LRP1B: variants seen among roughly 807,000 people sequenced by gnomAD.
LRP1B encodes the protein LDL receptor related protein 1B.
In LRP1B, 217 loss-of-function variants were observed where a neutral mutation model predicts 556.6. That is an observed-to-expected ratio of 0.39 (90% confidence interval 0.35 to 0.44). The LOEUF (loss-of-function observed/expected upper bound fraction) is 0.44. LRP1B is among the 20% of genes least tolerant of loss of function. LRP1B has a pLI of 1.00. For synonymous variants in LRP1B, 2,047 were observed against 1,865.8 expected, an observed-to-expected ratio of 1.10 and a Z score of -2.50; for missense variants, 5,053 against 5,620.8, an observed-to-expected ratio of 0.90 and a Z score of 3.23.
chr2:142,115,136 T>C lies in LRP1B; in HGVS notation c.82+15512A>G, dbSNP rs955767447. ...TTGTTCTTGCAATTGGTTATCACCT[T>C]TAAGATAACCTTATGATACTTAAGA... On this transcript the variant is annotated intron_variant, in intron 1 of 90. Transcript: ENST00000389484. Among the ~76,000 whole-genome samples, 6 of 152,016 alleles carry C rather than the reference T, an allele frequency of 3.9e-5. No individual in the cohort carries two copies. In the South Asian group the frequency reaches 6.2e-4, roughly 16 times the overall value.
chr2:140,589,963 G>A (rs1558988472), intron 43 of LRP1B, among the ~76,000 whole-genome samples: 1 of 152,084 alleles, frequency 6.6e-6, no homozygotes, highest in Non-Finnish European at 1.5e-5. Context: ...CTGGTTGTGA[G>A]ATTGTACTAT....
intron 35 of LRP1B, among the ~76,000 whole-genome samples, chr2:140,761,286 A>C (rs1007373791): frequency 3.9e-5 from 6 of 152,196 alleles, no homozygotes; most frequent in Non-Finnish European, 7.3e-5. Flanking sequence ...CTGCCATCCG[A>C]GTTCACCCTT....
At chr2:140,391,878 T>G (rs1447648127) in intron 66 of LRP1B, among the ~76,000 whole-genome samples, 1 of 152,190 alleles carries the variant, frequency 6.6e-6, no homozygotes, top group Admixed American at 6.5e-5. Context: ...TTCTATTATT[T>G]ATGCTCATCA....
chr2:141,390,683 G>T (rs1022611340), intron 3 of LRP1B, among the ~76,000 whole-genome samples: 1 of 152,112 alleles, frequency 6.6e-6, no homozygotes, highest in Admixed American at 6.6e-5. Flanking sequence ...CAGACACAAA[G>T]GTCACATATT....
chr2:141,737,772 T>C (rs776577944), intron 2 of LRP1B, among the ~76,000 whole-genome samples: 1 of 152,172 alleles, frequency 6.6e-6, no homozygotes, highest in Non-Finnish European at 1.5e-5. Context: ...GCTCCAGTTA[T>C]TGATATTGGT....
At chr2:140,573,237 C>G (rs6723267) in intron 43 of LRP1B, among the ~76,000 whole-genome samples, 65,717 of 151,542 alleles carry the variant, frequency 0.43, 14,520 homozygotes, top group Middle Eastern at 0.58. Context: ...AAAAATCACA[C>G]TGTATACCAT....
chr2:141,560,230 G>A (rs900108719), intron 2 of LRP1B, among the ~76,000 whole-genome samples: 1 of 151,766 alleles, frequency 6.6e-6, no homozygotes, highest in Non-Finnish European at 1.5e-5. Flanking sequence ...CAGCATTATA[G>A]TGCACTTATG....
At chr2:141,025,077 A>C (rs1016142121) in intron 11 of LRP1B, among the ~76,000 whole-genome samples, 3 of 152,110 alleles carry the variant, frequency 2.0e-5, no homozygotes, top group African/African-American at 7.2e-5. Flanking sequence ...TCTCACAATA[A>C]AAGGTCCTGA....
intron 1 of LRP1B, among the ~76,000 whole-genome samples, chr2:141,888,511 T>A (rs1020510264): frequency 6.6e-6 from 1 of 152,196 alleles, no homozygotes; most frequent in Non-Finnish European, 1.5e-5. Flanking sequence ...ACTGTACTTC[T>A]GTTTCTGAGA....
chr2:140,664,824 TAAAC>T (rs1685212306), intron 41 of LRP1B, among the ~76,000 whole-genome samples: 1 of 152,076 alleles, frequency 6.6e-6, no homozygotes, highest in Admixed American at 6.5e-5. Context: ...GTAGTGGCTT[TAAAC>T]AAACAGAAAA....
At chr2:141,412,338 G>A (rs968817931) in intron 3 of LRP1B, among the ~76,000 whole-genome samples, 1 of 152,160 alleles carries the variant, frequency 6.6e-6, no homozygotes, top group Non-Finnish European at 1.5e-5. Flanking sequence ...TCATACAAAT[G>A]AGCTCTTTTC....
intron 1 of LRP1B, among the ~76,000 whole-genome samples, chr2:141,999,092 T>C (rs1037420717): frequency 5.3e-5 from 8 of 152,146 alleles, no homozygotes; most frequent in Non-Finnish European, 1.2e-4. Context: ...ATCTGTCATG[T>C]GATGTTAGCC....
chr2:142,039,949 A>G (rs1306125123), intron 1 of LRP1B, among the ~76,000 whole-genome samples: 2 of 151,450 alleles, frequency 1.3e-5, no homozygotes, highest in African/African-American at 2.4e-5. Flanking sequence ...ACACTGTTCA[A>G]TAAGTCATAA....
chr2:140,850,119 T>C lies in LRP1B; in HGVS notation c.4922A>G (p.Glu1641Gly), dbSNP rs764696199. ...KRAFINGTGL[E>G]TVISRDIQSI... Reference sequence around the variant, plus strand: ...TCTTTTACCTCTTGAAATAACAGTTTCTAACCCAGTTCCGTTAATAAAAGC... The same window carrying C: ...TCTTTTACCTCTTGAAATAACAGTTCCTAACCCAGTTCCGTTAATAAAAGC... The change falls in exon 29 of 91, where the codon GAA (glutamate) becomes GGA (glycine). Residue 1641 changes from glutamate to glycine, a missense_variant. Physicochemically the swap from Glu to Gly is moderately conservative, Grantham distance 98 (BLOSUM62 -2). This residue lies in a region of LRP1B where 3,619 missense variants were observed against 3,931.9 expected (regional missense o/e 0.92). Coordinates refer to ENST00000389484, the MANE Select transcript of LRP1B (RefSeq NM_018557.3). The C allele has an allele frequency of 5.6e-6, 9 of 1,608,348 alleles. No individual in the cohort carries two copies. Among genetic ancestry groups the C allele is most frequent in the Non-Finnish European group, 7.7e-6 (9 of 1,175,262 alleles).
rs150807780 is a variant in LRP1B, at chr2:141,033,709, C to T, written c.1790-13607G>A. On this transcript the variant is annotated intron_variant, in intron 11 of 90. Coordinates refer to ENST00000389484, the MANE Select transcript of LRP1B (RefSeq NM_018557.3). ...GAGGCCAGAGCTCTTTCTTTCCACC[C>T]CATGGGAACACTGTGAGAAGGAGGC... Among the ~76,000 whole-genome samples the T allele has an allele frequency of 2.0e-3, 301 of 152,098 alleles. 2 individuals are homozygous for T. The highest frequency in any genetic ancestry group is 7.0e-3 in the African/African-American group (290 of 41,532).
intron 54 of LRP1B, among the ~76,000 whole-genome samples, 187 bp downstream of exon 54, chr2:140,502,775 AC>A (rs1186531953): frequency 1.3e-5 from 2 of 152,042 alleles, no homozygotes; most frequent in Non-Finnish European, 2.9e-5. Flanking sequence ...TATTTTTGGC[AC>A]AGACTTAAAT....
intron 3 of LRP1B, among the ~76,000 whole-genome samples, chr2:141,387,022 G>A (rs1689856462): frequency 6.6e-6 from 1 of 151,670 alleles, no homozygotes; most frequent in South Asian, 2.1e-4. Flanking sequence ...AACCACAATG[G>A]AATAAAGTTA....
At chr2:140,763,686 T>C (rs2104921148) in intron 35 of LRP1B, among the ~76,000 whole-genome samples, 1 of 152,210 alleles carries the variant, frequency 6.6e-6, no homozygotes, top group African/African-American at 2.4e-5. Context: ...AATTTAGAAA[T>C]TACCCAAAAA....
At chr2:140,859,504 C>T (rs1478904943) in intron 27 of LRP1B, among the ~76,000 whole-genome samples, 1 of 151,982 alleles carries the variant, frequency 6.6e-6, no homozygotes, top group Non-Finnish European at 1.5e-5. Context: ...ATTGGAGGCA[C>T]TTAAATCATT....
Sources: gnomAD v4.1 joint callset for allele counts (sites outside exome capture counted in the v4.1 genomes callset) on GRCh38, gnomAD v4.1.1 for gene constraint, gnomAD v4.1.1 regional missense constraint, MANE v1.5 for transcripts, NCBI Gene and HGNC (gene_info 2026-07-23, HGNC 2026-07-21) for gene names.